IL1RAPL1: variants seen among roughly 807,000 people sequenced by gnomAD.
IL1RAPL1 encodes the protein interleukin-1 receptor accessory protein-like 1.
A neutral mutation model predicts 48.4 loss-of-function variants in IL1RAPL1; 3 were observed. The ratio of observed to expected loss-of-function variants is 0.06; its 90% CI spans 0.03 to 0.16. IL1RAPL1 has a LOEUF of 0.16. IL1RAPL1 is among the 10% of genes least tolerant of loss of function. The pLI is 1.00. For missense variants in IL1RAPL1, 349 were observed against 530.6 expected (o/e 0.66, Z 3.36); for synonymous variants, 185 against 187.7 (o/e 0.99, Z 0.12).
intron 1 of IL1RAPL1, among the ~76,000 whole-genome samples, chrX:28,653,141 AT>A (rs953342835): frequency 1.8e-5 from 2 of 111,970 alleles, no homozygotes; most frequent in African/African-American, 6.5e-5. Flanking sequence ...ATACAACATA[AT>A]AAAGATTGGA....
At chrX:29,365,597 A>T (rs1933441610) in intron 3 of IL1RAPL1, among the ~76,000 whole-genome samples, 1 of 110,426 alleles carries the variant, frequency 9.1e-6, no homozygotes, top group Non-Finnish European at 1.9e-5. Context: ...AAGTAAGAGG[A>T]TCGCTTGAGC....
chrX:29,329,670 G>A (rs188090543), intron 3 of IL1RAPL1, among the ~76,000 whole-genome samples: 208 of 109,750 alleles, frequency 1.9e-3, no homozygotes, highest in African/African-American at 6.3e-3. Context: ...AAAATTAGCC[G>A]GTCGTGGTGG....
intron 2 of IL1RAPL1, among the ~76,000 whole-genome samples, chrX:29,014,219 A>T (rs188314354): frequency 6.2e-5 from 7 of 112,081 alleles, no homozygotes; most frequent in African/African-American, 1.9e-4. Context: ...TTCTAATCTT[A>T]AAAAGTCTTT....
intron 2 of IL1RAPL1, among the ~76,000 whole-genome samples, chrX:28,855,368 G>A (rs937248172): frequency 3.6e-5 from 4 of 110,102 alleles, no homozygotes; most frequent in African/African-American, 1.3e-4. Context: ...ATTAGTTTTG[G>A]AAATAAGTAC....
intron 1 of IL1RAPL1, among the ~76,000 whole-genome samples, chrX:28,755,451 A>G (rs1251694634): frequency 8.9e-6 from 1 of 112,536 alleles, no homozygotes; most frequent in African/African-American, 3.2e-5. Flanking sequence ...CAAGTGTTCA[A>G]TGGTAGCATG....
intron 2 of IL1RAPL1, among the ~76,000 whole-genome samples, chrX:28,894,926 G>C (rs916017374): frequency 9.9e-5 from 11 of 110,600 alleles, no homozygotes; most frequent in African/African-American, 3.6e-4. Flanking sequence ...GCCGAGATAG[G>C]TAACAGATGA....
intron 1 of IL1RAPL1, among the ~76,000 whole-genome samples, chrX:28,771,950 A>AG (rs1735538794): frequency 9.1e-6 from 1 of 109,407 alleles, no homozygotes; most frequent in South Asian, 3.8e-4. Flanking sequence ...AAAAAAAAAA[A>AG]AAAAAAAAAG....
intron 5 of IL1RAPL1, among the ~76,000 whole-genome samples, chrX:29,580,160 G>A (rs1388486695): frequency 2.0e-5 from 2 of 101,995 alleles, no homozygotes; most frequent in African/African-American, 7.2e-5. Context: ...TCACTTTGAC[G>A]TGCATTACGT....
intron 5 of IL1RAPL1, among the ~76,000 whole-genome samples, chrX:29,403,065 A>T (rs1394847747): frequency 9.0e-6 from 1 of 111,565 alleles, no homozygotes; most frequent in Non-Finnish European, 1.9e-5. Context: ...GCTATATGTC[A>T]TCCATGCTAA....
intron 2 of IL1RAPL1, among the ~76,000 whole-genome samples, chrX:29,028,284 T>TG (rs1257733223): frequency 2.8e-5 from 3 of 106,654 alleles, no homozygotes; most frequent in Non-Finnish European, 5.8e-5. Flanking sequence ...CTACTGTTTT[T>TG]TTTGTTTGTT....
At chrX:29,329,766 T>C (rs1405583481) in intron 3 of IL1RAPL1, among the ~76,000 whole-genome samples, 1 of 107,061 alleles carries the variant, frequency 9.3e-6, no homozygotes, top group Non-Finnish European at 1.9e-5. Flanking sequence ...TGAGCCAAGA[T>C]TGCACCATTG....
At chrX:29,211,036 C>G (rs1223306798) in intron 2 of IL1RAPL1, among the ~76,000 whole-genome samples, 3 of 110,843 alleles carry the variant, frequency 2.7e-5, no homozygotes, top group African/African-American at 9.9e-5. Context: ...TATCTTCTAA[C>G]AGTTTATTAT....
chrX:29,588,921 G>T (rs1923275865), intron 5 of IL1RAPL1, among the ~76,000 whole-genome samples: 1 of 111,879 alleles, frequency 8.9e-6, no homozygotes, highest in African/African-American at 3.2e-5. Context: ...GTTATTTGGA[G>T]CAAGCCGTGC....
intron 6 of IL1RAPL1, among the ~76,000 whole-genome samples, chrX:29,816,978 G>GTATATA (rs35793039): frequency 1.9e-5 from 2 of 104,630 alleles, no homozygotes; most frequent in African/African-American, 6.9e-5. Context: ...TTATGTGTGT[G>GTATATA]TATATATATA....
At chrX:28,769,796 G>C (rs192260775) in intron 1 of IL1RAPL1, among the ~76,000 whole-genome samples, 2 of 111,808 alleles carry the variant, frequency 1.8e-5, no homozygotes, top group East Asian at 5.7e-4. Flanking sequence ...GCTCATTGCA[G>C]TATGGGATTG....
intron 2 of IL1RAPL1, among the ~76,000 whole-genome samples, chrX:29,001,525 A>T (rs1408319093): frequency 8.9e-6 from 1 of 112,108 alleles, no homozygotes; most frequent in East Asian, 2.8e-4. Context: ...AGAGGAAAAA[A>T]AATGGTGGTC....
intron 2 of IL1RAPL1, among the ~76,000 whole-genome samples, chrX:29,198,131 T>G (rs1242164851): frequency 9.0e-6 from 1 of 111,432 alleles, no homozygotes; most frequent in African/African-American, 3.3e-5. Context: ...AATAGAGATT[T>G]ATGAACCACT....
intron 5 of IL1RAPL1, among the ~76,000 whole-genome samples, chrX:29,564,866 T>C (rs895822450): frequency 1.1e-4 from 12 of 112,816 alleles, no homozygotes; most frequent in African/African-American, 3.9e-4. Context: ...ACCATGGGTC[T>C]CACTGGGCTA....
chrX:28,692,145 A>T (rs746757447), intron 1 of IL1RAPL1, among the ~76,000 whole-genome samples: 1 of 111,161 alleles, frequency 9.0e-6, no homozygotes, highest in East Asian at 2.8e-4. Context: ...GAGCCAATCC[A>T]GTCTCATGAG....
Sources: gnomAD v4.1 joint callset for allele counts (sites outside exome capture counted in the v4.1 genomes callset) on GRCh38, gnomAD v4.1.1 for gene constraint, MANE v1.5 for transcripts, NCBI Gene and HGNC (gene_info 2026-07-23, HGNC 2026-07-21) for gene names.